Variants in ETFA observed in about 807,000 individuals in gnomAD.
The protein encoded by ETFA is electron transfer flavoprotein subunit alpha.
Under a neutral mutation model 46.2 loss-of-function variants are expected in ETFA, and 22 were observed. The observed-to-expected ratio is 0.48, with a 90% CI of 0.34 to 0.68. ETFA has a LOEUF of 0.68. ETFA is among the 30% of genes least tolerant of loss of function. The probability of loss-of-function intolerance (pLI) is 0.01; values close to 1 mark genes in which losing one functional copy is unlikely to be tolerated. For synonymous variants in ETFA, 131 were observed against 139.9 expected (o/e 0.94, Z 0.45); for missense variants, 345 against 401.1 (o/e 0.86, Z 1.19).
At chr15:76,260,207 G>A in intron 9 of ETFA, 2 of 1,365,198 alleles carry the variant, frequency 1.5e-6, no homozygotes, top group Non-Finnish European at 2.1e-6. Flanking sequence ...GTTCGCTGTT[G>A]ATGCCCAAGC....
chr15:76,236,401 A>C (rs1468958768), intron 9 of ETFA, among the ~76,000 whole-genome samples: 1 of 152,238 alleles, frequency 6.6e-6, no homozygotes, highest in Non-Finnish European at 1.5e-5. Context: ...TCAAGTACCC[A>C]ATAATCACAT....
chr15:76,311,147 C>T (rs1176680731), intron 1 of ETFA, among the ~76,000 whole-genome samples: 1 of 152,232 alleles, frequency 6.6e-6, no homozygotes. Flanking sequence ...GACCCCAAAC[C>T]TCTGACTTCT....
chr15:76,228,452 CTGGGATTACAGTGCCT>C (rs1039070585), intron 10 of ETFA, among the ~76,000 whole-genome samples: 35 of 152,272 alleles, frequency 2.3e-4, no homozygotes, highest in Non-Finnish European at 4.0e-4. Context: ...TCCCAAAGCG[CTGGGATTACAGTGCCT>C]TGGGATTACA....
intron 7 of ETFA, 67 bp downstream of exon 7, chr15:76,285,570 A>G (rs2039697071): frequency 1.1e-6 from 1 of 916,400 alleles, no homozygotes; most frequent in Middle Eastern, 2.2e-4. Flanking sequence ...TAAAATAAAT[A>G]CTAAAAATAA....
Position 76,299,523 on chromosome 15 carries a change from T to A in ETFA, c.40-3786A>T, listed in dbSNP as rs535314853. 9.2e-5 allele frequency among the ~76,000 whole-genome samples: 14 copies of A among 152,206 alleles called. No individual in the cohort carries two copies. In the South Asian group the frequency reaches 2.7e-3, roughly 29 times the overall value. On this transcript the variant is annotated intron_variant, in intron 1 of 11. Transcript: ENST00000557943. Reference sequence around the variant, plus strand: ...GTCTTGAACTCCTGGGCTCAAACGATCCTCGCACCTTGGCCTCCCAGAGTG... The same window carrying A: ...GTCTTGAACTCCTGGGCTCAAACGAACCTCGCACCTTGGCCTCCCAGAGTG...
chr15:76,274,662 T>C (rs2039575368), intron 8 of ETFA, among the ~76,000 whole-genome samples, 168 bp from the exon 9 acceptor site: 1 of 152,216 alleles, frequency 6.6e-6, no homozygotes, highest in Non-Finnish European at 1.5e-5. Flanking sequence ...GTATTTCAGA[T>C]TTTAATTTGG....
At chr15:76,217,569 A>C in intron 11 of ETFA, 1 of 449,212 alleles carries the variant, frequency 2.2e-6, no homozygotes, top group Non-Finnish European at 4.5e-6. Context: ...CCATTTTAAA[A>C]AGGATTAATT....
chr15:76,260,887 C>T, intron 9 of ETFA: 13 of 1,611,966 alleles, frequency 8.1e-6, no homozygotes, highest in South Asian at 2.2e-5. Context: ...AGGACCACAA[C>T]AGCCAGGACT....
chr15:76,309,619 C>G (rs530420056), intron 1 of ETFA, among the ~76,000 whole-genome samples: 1 of 152,184 alleles, frequency 6.6e-6, no homozygotes, highest in African/African-American at 2.4e-5. Flanking sequence ...TTAATCATTC[C>G]ATTTTTTTCT....
chr15:76,261,090 T>C (rs1282930453), intron 9 of ETFA: 1 of 1,523,956 alleles, frequency 6.6e-7, no homozygotes. Context: ...TTTTAGGCTG[T>C]GAACTTCACA....
intron 1 of ETFA, among the ~76,000 whole-genome samples, chr15:76,309,291 A>G (rs576488331): frequency 6.6e-6 from 1 of 152,332 alleles, no homozygotes; most frequent in South Asian, 2.1e-4. Flanking sequence ...TCTACTAAAA[A>G]TACAAAAAAA....
At chr15:76,249,396 G>A (rs1473829757) in intron 9 of ETFA, among the ~76,000 whole-genome samples, 1 of 150,000 alleles carries the variant, frequency 6.7e-6, no homozygotes, top group African/African-American at 2.5e-5. Context: ...CCAAAGTGCT[G>A]GGATTACAGG....
chr15:76,310,164 T>TA (rs2141562720), intron 1 of ETFA: 1 of 155,318 alleles, frequency 6.4e-6, no homozygotes, highest in Admixed American at 6.6e-5. Context: ...GAGAATCGCT[T>TA]GAACCTGGGA....
At chr15:76,278,343 C>T (rs1018979235) in intron 8 of ETFA, among the ~76,000 whole-genome samples, 7 of 152,208 alleles carry the variant, frequency 4.6e-5, no homozygotes, top group African/African-American at 1.4e-4. Context: ...TCTATTAACT[C>T]TCCCCCATTG....
At position 76,292,607 on chromosome 15, in the gene ETFA, G is replaced by A; in HGVS notation, c.268+12C>T. On this transcript the variant is annotated intron_variant, in intron 3 of 11. Transcript: ENST00000557943. ...TTTAGACACTACATTTTTTTCTACTGGAAAACCTCACCTGGAAGTAGGCCT... is the reference window on the plus strand; with the variant it reads ...TTTAGACACTACATTTTTTTCTACTAGAAAACCTCACCTGGAAGTAGGCCT... The A allele has an allele frequency of 1.2e-6, 2 of 1,609,640 alleles. No homozygotes were observed. Among genetic ancestry groups the A allele is most frequent in the Non-Finnish European group, 1.7e-6 (2 of 1,175,996 alleles).
chr15:76,276,596 G>A (rs2039594040), intron 8 of ETFA, among the ~76,000 whole-genome samples: 1 of 151,932 alleles, frequency 6.6e-6, no homozygotes. Flanking sequence ...ACAATTCTTA[G>A]ATATTATATT....
chr15:76,220,363 G>T (rs2038945391), intron 11 of ETFA, among the ~76,000 whole-genome samples: 1 of 152,236 alleles, frequency 6.6e-6, no homozygotes, highest in African/African-American at 2.4e-5. Flanking sequence ...ACCATGCCTG[G>T]CTGGCAATGG....
chr15:76,216,783 C>T (rs888343966), intron 11 of ETFA, among the ~76,000 whole-genome samples, 186 bp from the exon 12 acceptor site: 1 of 151,802 alleles, frequency 6.6e-6, no homozygotes, highest in Non-Finnish European at 1.5e-5. Flanking sequence ...AGGGCGACTA[C>T]CCAGGACCCA....
At chr15:76,226,253 G>T (rs1055885007) in intron 10 of ETFA, 1 of 260,656 alleles carries the variant, frequency 3.8e-6, no homozygotes, top group African/African-American at 2.3e-5. Context: ...AGCCTTTGTA[G>T]TGCAAATTAT....
Sources: allele counts gnomAD v4.1 joint callset (sites outside exome capture counted in the v4.1 genomes callset), GRCh38; gene constraint gnomAD v4.1.1; transcripts MANE v1.5; gene names NCBI Gene and HGNC (gene_info 2026-07-23, HGNC 2026-07-21).